The following CHN2 variants were observed in gnomAD, a reference collection of about 807,000 sequenced individuals.
CHN2 encodes beta-chimaerin.
Under a neutral mutation model 56.3 loss-of-function variants are expected in CHN2, and 35 were observed. The observed-to-expected ratio is 0.62, with a 90% CI of 0.47 to 0.82. CHN2 has a LOEUF of 0.82. CHN2 is among the 40% of genes least tolerant of loss of function. The probability of loss-of-function intolerance (pLI) is 0.00; values close to 1 mark genes in which losing one functional copy is unlikely to be tolerated. For synonymous variants in CHN2, 210 were observed against 212.8 expected (o/e 0.99, Z 0.12); for missense variants, 491 against 580.5 (o/e 0.85, Z 1.58).
intron 6 of CHN2, among the ~76,000 whole-genome samples, chr7:29,442,930 A>ATTTATTTTTTTTT (rs1238691449): frequency 9.8e-6 from 1 of 102,196 alleles, no homozygotes; most frequent in Admixed American, 9.3e-5. Context: ...ATTTCATTGA[A>ATTTATTTTTTTTT]TTTCTTTTTT....
At chr7:29,393,646 T>C in intron 3 of CHN2, 33 bp from the exon 4 acceptor site, 1 of 849,202 alleles carries the variant, frequency 1.2e-6, no homozygotes, top group Non-Finnish European at 1.7e-6. Context: ...TGAATTCAAA[T>C]GCATTATTAA....
intron 1 of CHN2, among the ~76,000 whole-genome samples, chr7:29,305,849 T>TC (rs1794111872): frequency 1.3e-5 from 1 of 76,434 alleles, no homozygotes; most frequent in African/African-American, 4.1e-5. Context: ...TTTTCCTTTC[T>TC]CTCTTTCTCC....
At chr7:29,191,127 G>T (rs1782843154), upstream of CHN2, among the ~76,000 whole-genome samples, 1 of 151,952 alleles carries the variant, frequency 6.6e-6, no homozygotes, top group South Asian at 2.1e-4. Flanking sequence ...TAGAGATGAG[G>T]CCTCATGTTG....
intron 2 of CHN2, among the ~76,000 whole-genome samples, chr7:29,158,163 A>G (rs1303816482): frequency 6.6e-6 from 1 of 152,214 alleles, no homozygotes; most frequent in African/African-American, 2.4e-5. Flanking sequence ...AGGTTTCCTT[A>G]GAGTTGAGTA....
rs1052067632 is a variant in CHN2, at chr7:29,507,278, A to G, written c.1042A>G (p.Ile348Val). Residue 348 changes from isoleucine (I) to valine (V), a missense_variant, in exon 11 of 13, where the codon ATC becomes GTC. Physicochemically the swap from Ile to Val is conservative, Grantham distance 29. Coordinates refer to ENST00000222792, the MANE Select transcript of CHN2 (RefSeq NM_004067.4). ...CAATGTCTATCCAGACATAAACATC[A>G]TCACTGGAGCCCTTAAACTGTATTT... is the stretch of plus-strand genomic sequence containing the variant. ...SANVYPDINI[I>V]TGALKLYFRD... 8.1e-6 allele frequency: 13 copies of G among 1,613,538 alleles called. No homozygotes were observed. Among genetic ancestry groups the G allele is most frequent in the Non-Finnish European group, 9.3e-6 (11 of 1,179,786 alleles).
intron 10 of CHN2, 65 bp from the exon 11 acceptor site, chr7:29,507,163 C>A: frequency 1.5e-6 from 2 of 1,299,042 alleles, no homozygotes; most frequent in Non-Finnish European, 2.1e-6. Flanking sequence ...TTTTTTTTTC[C>A]TTTCTGTACA....
intron 1 of CHN2, among the ~76,000 whole-genome samples, chr7:29,253,131 A>G (rs1325458068): frequency 6.6e-6 from 1 of 152,148 alleles, no homozygotes; most frequent in Non-Finnish European, 1.5e-5. Context: ...GGCTTCATCA[A>G]ATAGGGATTC....
At chr7:29,213,091 G>C (rs1785078528) in intron 1 of CHN2, 1 of 1,603,830 alleles carries the variant, frequency 6.2e-7, no homozygotes, top group East Asian at 2.2e-5. Flanking sequence ...TGACTTGGAG[G>C]CTGCCTTGGA....
intron 1 of CHN2, among the ~76,000 whole-genome samples, chr7:29,204,068 TGTG>T (rs1562828340): frequency 1.2e-3 from 16 of 13,008 alleles, no homozygotes; most frequent in African/African-American, 5.0e-3. Flanking sequence ...TCTCTCTCTC[TGTG>T]TGTGTGTGTG....
At chr7:29,297,951 G>T (rs1793322871) in intron 1 of CHN2, among the ~76,000 whole-genome samples, 1 of 152,168 alleles carries the variant, frequency 6.6e-6, no homozygotes, top group South Asian at 2.1e-4. Flanking sequence ...AGAAAGAGGA[G>T]AGCAGGAGTC....
intron 1 of CHN2, among the ~76,000 whole-genome samples, chr7:29,350,958 G>A (rs1797831103): frequency 6.6e-6 from 1 of 151,962 alleles, no homozygotes; most frequent in Non-Finnish European, 1.5e-5. Flanking sequence ...AAATACAAAA[G>A]TTAGCCGGTT....
At chr7:29,478,851 A>T (rs1435634867) in intron 6 of CHN2, among the ~76,000 whole-genome samples, 1 of 152,164 alleles carries the variant, frequency 6.6e-6, no homozygotes, top group African/African-American at 2.4e-5. Context: ...TCATGAGAGG[A>T]TGAAATGGGA....
rs903059158 is a variant in CHN2 at position 29,284,074 on chromosome 7, T to C, written c.50-70551T>C. 2.6e-5 allele frequency among the ~76,000 whole-genome samples: 4 copies of C among 151,676 alleles called. 1 individual carries two copies. Among genetic ancestry groups the C allele is most frequent in the South Asian group, 4.2e-4 (2 of 4,794 alleles). ...GACTACAGACATGCGTCACCACGCC[T>C]AGCTAATTTTTGTATTTTTACTTAT... is the stretch of plus-strand genomic sequence containing the variant. On this transcript the variant is annotated intron_variant, in intron 1 of 12. Transcript: ENST00000222792.
chr7:29,414,769 C>A (rs937229173), intron 6 of CHN2, among the ~76,000 whole-genome samples: 9 of 152,186 alleles, frequency 5.9e-5, no homozygotes, highest in Admixed American at 2.0e-4. Context: ...TTTCTGAGCC[C>A]AACAGCCAGT....
intron 1 of CHN2, among the ~76,000 whole-genome samples, chr7:29,213,441 A>G (rs562197553): frequency 1.3e-5 from 2 of 152,274 alleles, no homozygotes; most frequent in Admixed American, 6.5e-5. Flanking sequence ...AAGACGTTTT[A>G]ATAACCTTGG....
intron 1 of CHN2, among the ~76,000 whole-genome samples, chr7:29,258,976 G>C (rs1584892023): frequency 6.7e-6 from 1 of 150,082 alleles, no homozygotes; most frequent in Admixed American, 6.6e-5. Flanking sequence ...TAGGGAACTA[G>C]TAGAATATAG....
intron 1 of CHN2, among the ~76,000 whole-genome samples, chr7:29,229,300 G>A (rs1786480939): frequency 6.6e-6 from 1 of 152,114 alleles, no homozygotes; most frequent in South Asian, 2.1e-4. Flanking sequence ...TGAGCAGATG[G>A]CATATGCTTC....
intron 1 of CHN2, among the ~76,000 whole-genome samples, chr7:29,346,317 C>A (rs184609245): frequency 6.6e-6 from 1 of 152,304 alleles, no homozygotes; most frequent in East Asian, 1.9e-4. Context: ...CACAACATCC[C>A]ACTCCTGCTG....
rs370576176 is a variant in CHN2 at position 29,435,696 on chromosome 7, C to T, written c.576+34868C>T. 1.8e-4 allele frequency among the ~76,000 whole-genome samples: 27 copies of T among 152,198 alleles called. No homozygotes were observed. In the South Asian group the frequency reaches 4.6e-3, roughly 26 times the overall value. On this transcript the variant is annotated intron_variant, in intron 6 of 12. Transcript: ENST00000222792. ...GGTCTGTCATTGACCAGTCATTATG[C>T]GGTACATGACTAAATTTTAATAAGC...
Sources: allele counts gnomAD v4.1 joint callset (sites outside exome capture counted in the v4.1 genomes callset), GRCh38; gene constraint gnomAD v4.1.1; transcripts MANE v1.5; gene names NCBI Gene and HGNC (gene_info 2026-07-23, HGNC 2026-07-21).